FKBP1A: variants seen among roughly 807,000 people sequenced by gnomAD.
The protein encoded by FKBP1A is FKBP prolyl isomerase 1A, also known as peptidyl-prolyl cis-trans isomerase FKBP1A.
FKBP1A carries 5 observed loss-of-function variants against 14.2 expected under a neutral mutation model. That is an observed-to-expected ratio of 0.35 (90% CI 0.18 to 0.74). The LOEUF (loss-of-function observed/expected upper bound fraction) is 0.74, where lower values mean the gene tolerates loss of function less well. Among genes scored for constraint, FKBP1A ranks in the 30% least tolerant of loss-of-function variants. The pLI is 0.56. For synonymous variants in FKBP1A, 42 were observed against 49.1 expected (o/e 0.86, Z 0.60); for missense variants, 53 against 138.8 (o/e 0.38, Z 3.10).
chr20:1,392,926 C>G, intron 1 of FKBP1A, 36 bp downstream of exon 1: 3 of 1,481,338 alleles, frequency 2.0e-6, no homozygotes, highest in Non-Finnish European at 2.7e-6. Context: ...CGCGCGGCGG[C>G]AGAGGTACTC....
chr20:1,392,923 C>T (rs1265258157), intron 1 of FKBP1A, 39 bp downstream of exon 1: 3 of 1,173,868 alleles, frequency 2.6e-6, no homozygotes, highest in East Asian at 4.3e-5. Flanking sequence ...ATGCGCGCGG[C>T]GGCAGAGGTA....
At chr20:1,391,764 A>G (rs999214609) in intron 2 of FKBP1A, 2 of 397,804 alleles carry the variant, frequency 5.0e-6, no homozygotes, top group African/African-American at 4.1e-5. Context: ...GAGTGGGAAA[A>G]AAAGAGGGAG....
At chr20:1,389,438 T>G (rs2089707531) in intron 2 of FKBP1A, among the ~76,000 whole-genome samples, 1 of 150,568 alleles carries the variant, frequency 6.6e-6, no homozygotes, top group South Asian at 2.1e-4. Flanking sequence ...AGCAAGGGAG[T>G]GGATGGAATA....
intron 2 of FKBP1A, among the ~76,000 whole-genome samples, chr20:1,382,597 G>A (rs188110437): frequency 2.0e-5 from 3 of 152,242 alleles, no homozygotes; most frequent in Admixed American, 1.3e-4. Context: ...TGCTTTACTT[G>A]CATGATTTTT....
intron 4 of FKBP1A, chr20:1,371,287 G>A (rs2089461054): frequency 1.2e-6 from 1 of 850,584 alleles, no homozygotes; most frequent in African/African-American, 1.8e-5. Flanking sequence ...TAAGAAATGA[G>A]GGTGGAAGAG....
At chr20:1,374,922 C>T (rs913259351) in intron 3 of FKBP1A, among the ~76,000 whole-genome samples, 2 of 152,212 alleles carry the variant, frequency 1.3e-5, no homozygotes, top group East Asian at 1.9e-4. Flanking sequence ...CTACAACCTC[C>T]GCCTGCTGGG....
chr20:1,392,791 G>T, intron 2 of FKBP1A, 43 bp downstream of exon 2: 2 of 1,438,252 alleles, frequency 1.4e-6, no homozygotes, highest in South Asian at 1.3e-5. Flanking sequence ...CCCGGGCTGC[G>T]GACTGCGGCC....
intron 2 of FKBP1A, among the ~76,000 whole-genome samples, chr20:1,380,035 G>A (rs558827016): frequency 1.3e-5 from 2 of 152,262 alleles, no homozygotes; most frequent in East Asian, 3.9e-4. Flanking sequence ...TGGAGGACAA[G>A]GATCAGATTT....
chr20:1,370,610 C>A, intron 4 of FKBP1A: 4 of 985,426 alleles, frequency 4.1e-6, no homozygotes, highest in Non-Finnish European at 3.6e-6. Context: ...ATTCACTCAA[C>A]TTAAAACTTT....
rs1255179381 is a variant in FKBP1A, at chr20:1,379,025, C to T, written c.86-3422G>A. Among the ~76,000 whole-genome samples, 5 of 152,150 alleles carry T rather than the reference C, an allele frequency of 3.3e-5. No individual in the cohort carries two copies. Among genetic ancestry groups the T allele is most frequent in the African/African-American group, 9.7e-5 (4 of 41,434 alleles). ...TTTAAAAAGAATGCTGATTGTGACC[C>T]ACTACATTTATTTCATGATGCATTA... On this transcript the variant is annotated intron_variant, in intron 2 of 4. Coordinates refer to ENST00000400137, the MANE Select transcript of FKBP1A (RefSeq NM_000801.5). This position sits in a 1 kb window ranked among gnomAD's most constrained non-coding sequence, Gnocchi z 4.3.
At chr20:1,374,089 C>T (rs942274509) in intron 3 of FKBP1A, among the ~76,000 whole-genome samples, 2 of 152,212 alleles carry the variant, frequency 1.3e-5, no homozygotes, top group Admixed American at 1.3e-4. Context: ...GTCTTTTCAT[C>T]TTGGTTAAAT....
chr20:1,370,793 G>A, intron 4 of FKBP1A: 9 of 985,364 alleles, frequency 9.1e-6, no homozygotes, highest in Non-Finnish European at 1.1e-5. Flanking sequence ...ATAATTCCAA[G>A]GCTCCCTCGA....
chr20:1,392,193 T>G (rs553048564), intron 2 of FKBP1A, among the ~76,000 whole-genome samples: 1 of 152,320 alleles, frequency 6.6e-6, no homozygotes, highest in East Asian at 1.9e-4. Flanking sequence ...TCACTGAGCC[T>G]TGGATTTGTA....
At chr20:1,370,832 C>T (rs757422077) in intron 4 of FKBP1A, 32 of 985,298 alleles carry the variant, frequency 3.2e-5, no homozygotes, top group Admixed American at 1.8e-4. Flanking sequence ...AATGACTCAG[C>T]TCTCAAAGAA....
chr20:1,383,823 C>T (rs564785134), intron 2 of FKBP1A, among the ~76,000 whole-genome samples: 10 of 145,714 alleles, frequency 6.9e-5, no homozygotes, highest in African/African-American at 1.0e-4. Context: ...GGCAACAGAA[C>T]GAGACTCTGT....
intron 2 of FKBP1A, among the ~76,000 whole-genome samples, chr20:1,383,471 G>C (rs1413953739): frequency 6.6e-6 from 1 of 151,992 alleles, no homozygotes; most frequent in East Asian, 1.9e-4. Flanking sequence ...AGAGGGAAAA[G>C]GATTTCTACT....
intron 2 of FKBP1A, among the ~76,000 whole-genome samples, chr20:1,389,987 T>C (rs1255657335): frequency 6.6e-6 from 1 of 152,196 alleles, no homozygotes; most frequent in Non-Finnish European, 1.5e-5. Context: ...AGTGCAGGCA[T>C]TCCTTTGAGG....
intron 4 of FKBP1A, chr20:1,371,105 CA>C (rs1355287815): frequency 1.1e-5 from 11 of 985,296 alleles, no homozygotes; most frequent in African/African-American, 1.7e-5. Flanking sequence ...GGCTTTCAAA[CA>C]AAAGTGTCCT....
chr20:1,376,100 A>T (rs2089539463), intron 2 of FKBP1A, among the ~76,000 whole-genome samples: 1 of 152,160 alleles, frequency 6.6e-6, no homozygotes, highest in Non-Finnish European at 1.5e-5. Flanking sequence ...CCCCTCCACC[A>T]TCTGCCACCC....
Sources: gnomAD v4.1 joint callset for allele counts (sites outside exome capture counted in the v4.1 genomes callset) on GRCh38, gnomAD v4.1.1 for gene constraint, Gnocchi (gnomAD v3.1) non-coding constraint, MANE v1.5 for transcripts, NCBI Gene and HGNC (gene_info 2026-07-23, HGNC 2026-07-21) for gene names.